The following PTPRM variants were observed in gnomAD, a reference collection of about 807,000 sequenced individuals.
PTPRM encodes receptor-type tyrosine-protein phosphatase mu.
In PTPRM, 47 loss-of-function variants were observed where a neutral mutation model predicts 186.7. That is an observed-to-expected ratio of 0.25 (90% CI 0.20 to 0.32). PTPRM has a LOEUF of 0.32. PTPRM is among the 10% of genes least tolerant of loss of function. PTPRM has a pLI of 1.00. For synonymous variants in PTPRM, 668 were observed against 674.9 expected, an observed-to-expected ratio of 0.99 and a Z score of 0.16; for missense variants, 1,494 against 1,865.0, an observed-to-expected ratio of 0.80 and a Z score of 3.66.
intron 19 of PTPRM, among the ~76,000 whole-genome samples, chr18:8,268,015 C>T (rs1400776663): frequency 6.6e-6 from 1 of 152,086 alleles, no homozygotes; most frequent in Non-Finnish European, 1.5e-5. Flanking sequence ...CCTTTCCTTT[C>T]TTCTGTAGAA....
intron 1 of PTPRM, among the ~76,000 whole-genome samples, chr18:7,711,467 A>T (rs1453880904): frequency 6.6e-6 from 1 of 152,132 alleles, no homozygotes; most frequent in Non-Finnish European, 1.5e-5. Context: ...GGTGCTTGGA[A>T]TGCCAGAGAG....
At chr18:7,990,502 A>G (rs2147618843) in intron 7 of PTPRM, among the ~76,000 whole-genome samples, 1 of 152,346 alleles carries the variant, frequency 6.6e-6, no homozygotes, top group East Asian at 1.9e-4. Context: ...CTACTTACAA[A>G]TATTAAAAAT....
chr18:8,320,212 G>A (rs146345962), intron 22 of PTPRM, among the ~76,000 whole-genome samples: 63 of 152,264 alleles, frequency 4.1e-4, no homozygotes, highest in African/African-American at 1.4e-3. Context: ...ATGGGGGCAG[G>A]GTGTACACAG....
chr18:7,803,159 G>C (rs1414991903), intron 2 of PTPRM, among the ~76,000 whole-genome samples: 1 of 152,170 alleles, frequency 6.6e-6, no homozygotes, highest in African/African-American at 2.4e-5. Flanking sequence ...CACACACTTT[G>C]TAGCTTATAT....
chr18:8,238,662 T>G (rs901770962), intron 14 of PTPRM, among the ~76,000 whole-genome samples: 24 of 136,240 alleles, frequency 1.8e-4, no homozygotes, highest in African/African-American at 4.2e-4. Context: ...TTTTTTTTTT[T>G]TTTTTTTTTT....
intron 1 of PTPRM, among the ~76,000 whole-genome samples, chr18:7,767,311 A>G (rs1309741483): frequency 6.6e-6 from 1 of 152,240 alleles, no homozygotes; most frequent in African/African-American, 2.4e-5. Flanking sequence ...ATCTCAGTAG[A>G]GATAAATTTG....
chr18:7,634,777 T>C (rs1412796595), intron 1 of PTPRM, among the ~76,000 whole-genome samples: 1 of 152,200 alleles, frequency 6.6e-6, no homozygotes, highest in African/African-American at 2.4e-5. Context: ...CCAACTTATT[T>C]ACAAATAGAA....
chr18:7,798,397 C>T (rs943321231), intron 2 of PTPRM, among the ~76,000 whole-genome samples: 1 of 151,924 alleles, frequency 6.6e-6, no homozygotes, highest in Non-Finnish European at 1.5e-5. Context: ...GGCGTGGTGG[C>T]AGGCGCCTGT....
intron 1 of PTPRM, among the ~76,000 whole-genome samples, chr18:7,732,898 C>A (rs2040691543): frequency 6.6e-6 from 1 of 152,090 alleles, no homozygotes; most frequent in African/African-American, 2.4e-5. Flanking sequence ...TTTTCCAGGG[C>A]TCCCTATGCA....
chr18:7,795,033 TTC>T (rs1690148340), intron 2 of PTPRM, among the ~76,000 whole-genome samples: 2 of 152,232 alleles, frequency 1.3e-5, no homozygotes, highest in African/African-American at 2.4e-5. Flanking sequence ...AAAGATGCTC[TTC>T]TCTCGTCAAA....
At chr18:7,679,040 C>T (rs914017061) in intron 1 of PTPRM, among the ~76,000 whole-genome samples, 6 of 152,156 alleles carry the variant, frequency 3.9e-5, no homozygotes, top group African/African-American at 1.4e-4. Context: ...TCTTGCCCAG[C>T]AGTGGATGCT....
At chr18:7,605,386 C>T (rs962163882) in intron 1 of PTPRM, among the ~76,000 whole-genome samples, 8 of 151,508 alleles carry the variant, frequency 5.3e-5, no homozygotes, top group African/African-American at 1.5e-4. Context: ...GTATTTATCA[C>T]ACTCATTTTC....
In PTPRM at chr18:7,567,813, A is replaced by G. The variant is rs1172773556; in HGVS notation, c.-6A>G. Reference sequence around the variant, plus strand: ...CCGGGGAGCGGCCCGGCCCGCACTCAGCACCATGAGGGGACTTGGGACTTG... The same window carrying G: ...CCGGGGAGCGGCCCGGCCCGCACTCGGCACCATGAGGGGACTTGGGACTTG... On this transcript the variant is annotated 5_prime_UTR_variant, in exon 1 of 33. Transcript: ENST00000580170. The surrounding 1 kb of genome is among the most constrained non-coding windows in gnomAD (Gnocchi z 4.3). The G allele has an allele frequency of 3.2e-6, 5 of 1,544,422 alleles. No homozygotes were observed. The East Asian group carries it at 1.3e-4, about 42-fold the overall frequency.
intron 7 of PTPRM, among the ~76,000 whole-genome samples, chr18:7,970,645 A>G (rs1294712393): frequency 1.0e-5 from 1 of 95,628 alleles, no homozygotes; most frequent in Non-Finnish European, 2.0e-5. Flanking sequence ...AAAAATCACA[A>G]TCATTCTTAT....
intron 1 of PTPRM, among the ~76,000 whole-genome samples, chr18:7,579,009 T>C (rs7241594): frequency 0.064 from 9,674 of 152,218 alleles, 394 homozygotes; most frequent in African/African-American, 0.11. Flanking sequence ...ATCCCCTTTC[T>C]GGGTCCAAGG....
At chr18:7,915,385 G>T (rs1599476892) in intron 4 of PTPRM, among the ~76,000 whole-genome samples, 1 of 152,090 alleles carries the variant, frequency 6.6e-6, no homozygotes, top group African/African-American at 2.4e-5. Flanking sequence ...ATATGAGATA[G>T]ATTGAAATTT....
At chr18:7,988,586 C>T (rs140437682) in intron 7 of PTPRM, among the ~76,000 whole-genome samples, 193 of 152,272 alleles carry the variant, frequency 1.3e-3, no homozygotes, top group African/African-American at 4.4e-3. Context: ...CACCTAGTCC[C>T]AGACAACTTT....
chr18:8,107,906 T>C (rs2091594260), intron 11 of PTPRM, among the ~76,000 whole-genome samples: 2 of 152,204 alleles, frequency 1.3e-5, no homozygotes, highest in Non-Finnish European at 1.5e-5. Flanking sequence ...TAACAAACAC[T>C]GAATTCTGAT....
intron 19 of PTPRM, among the ~76,000 whole-genome samples, chr18:8,278,628 T>G (rs1488664746): frequency 6.6e-6 from 1 of 152,142 alleles, no homozygotes; most frequent in Non-Finnish European, 1.5e-5. Context: ...TCGTTTGAAG[T>G]TATTGGGTAT....
Sources: allele counts gnomAD v4.1 joint callset (sites outside exome capture counted in the v4.1 genomes callset), GRCh38; gene constraint gnomAD v4.1.1; non-coding constraint Gnocchi (gnomAD v3.1); transcripts MANE v1.5; gene names NCBI Gene and HGNC (gene_info 2026-07-23, HGNC 2026-07-21).